The following MAF variants were observed in gnomAD, a reference collection of about 807,000 sequenced individuals.
MAF encodes transcription factor Maf.
A neutral mutation model predicts 22.0 loss-of-function variants in MAF; 10 were observed. The observed-to-expected ratio is 0.45, with a 90% CI of 0.28 to 0.77. The LOEUF (loss-of-function observed/expected upper bound fraction) is 0.77. Among genes scored for constraint, MAF ranks in the 30% least tolerant of loss-of-function variants. The pLI, the probability that MAF is intolerant of heterozygous loss-of-function variation, is 0.12. For synonymous variants in MAF, 337 were observed against 255.8 expected (o/e 1.32, Z -3.03); for missense variants, 544 against 548.4 (o/e 0.99, Z 0.08).
chr16:79,273,604 C>G, the MAF span, among the ~76,000 whole-genome samples: 3 of 151,944 alleles, frequency 2.0e-5, no homozygotes, highest in African/African-American at 7.3e-5. Flanking sequence ...TGCAACATTC[C>G]TTGGCTTTTG....
chr16:79,570,642 G>A, the MAF span, among the ~76,000 whole-genome samples: 1 of 152,188 alleles, frequency 6.6e-6, no homozygotes, highest in African/African-American at 2.4e-5. Context: ...CTCTATGGGT[G>A]GGTCAGGATA....
the MAF span, among the ~76,000 whole-genome samples, chr16:79,299,010 T>C: frequency 6.6e-6 from 1 of 152,250 alleles, no homozygotes; most frequent in Non-Finnish European, 1.5e-5. Context: ...TTCTAAGGAA[T>C]CCTTCTTTGG....
chr16:79,259,997 G>C, the MAF span, among the ~76,000 whole-genome samples: 1 of 152,168 alleles, frequency 6.6e-6, no homozygotes, highest in Non-Finnish European at 1.5e-5. Flanking sequence ...GTGCATAGTG[G>C]GACTACCTGC....
At chr16:79,448,404 G>T in the MAF span, among the ~76,000 whole-genome samples, 1 of 149,100 alleles carries the variant, frequency 6.7e-6, no homozygotes, top group African/African-American at 2.5e-5. Context: ...TAGCAATGAA[G>T]CATTTTTGTT....
chr16:79,413,564 C>T, the MAF span, among the ~76,000 whole-genome samples: 1 of 151,928 alleles, frequency 6.6e-6, no homozygotes, highest in Non-Finnish European at 1.5e-5. Context: ...GTTACTTTAC[C>T]TCTCTGAGCT....
At chr16:79,557,650 G>A in the MAF span, among the ~76,000 whole-genome samples, 1 of 152,038 alleles carries the variant, frequency 6.6e-6, no homozygotes, top group Non-Finnish European at 1.5e-5. Context: ...AAGATTAAGT[G>A]GGATGACCTG....
At chr16:79,260,509 A>ATATCTATATCTATATCTATATCTATATC in the MAF span, among the ~76,000 whole-genome samples, 5 of 42,076 alleles carry the variant, frequency 1.2e-4, no homozygotes. Flanking sequence ...ATATCTATAT[A>ATATCTATATCTATATCTATATCTATATC]TTTGTCTGTT....
At chr16:79,362,964 C>G in the MAF span, among the ~76,000 whole-genome samples, 1 of 152,154 alleles carries the variant, frequency 6.6e-6, no homozygotes, top group Non-Finnish European at 1.5e-5. Flanking sequence ...AACTATCCAA[C>G]TAGTAATCCT....
At chr16:79,290,358 T>C in the MAF span, among the ~76,000 whole-genome samples, 1 of 152,298 alleles carries the variant, frequency 6.6e-6, no homozygotes, top group Admixed American at 6.5e-5. Flanking sequence ...CAAATTATCT[T>C]TCCCCAGGAC....
the MAF span, among the ~76,000 whole-genome samples, chr16:79,347,616 G>T: frequency 6.6e-6 from 1 of 152,204 alleles, no homozygotes; most frequent in African/African-American, 2.4e-5. Context: ...GGAGGTGTCA[G>T]AGAAAGATCT....
the MAF span, among the ~76,000 whole-genome samples, chr16:79,222,805 G>A: frequency 6.6e-6 from 1 of 151,966 alleles, no homozygotes; most frequent in African/African-American, 2.4e-5. Flanking sequence ...AGGGATCAAT[G>A]CAACAAGAAC....
chr16:79,517,912 CAT>C, the MAF span, among the ~76,000 whole-genome samples: 1 of 152,154 alleles, frequency 6.6e-6, no homozygotes, highest in Non-Finnish European at 1.5e-5. Context: ...GCTCTGAAAA[CAT>C]ACCCACAATA....
At chr16:79,426,324 T>C in the MAF span, among the ~76,000 whole-genome samples, 1 of 152,250 alleles carries the variant, frequency 6.6e-6, no homozygotes, top group African/African-American at 2.4e-5. Context: ...GCTGATTACA[T>C]GACATGATAA....
chr16:79,537,587 G>T, the MAF span, among the ~76,000 whole-genome samples: 1 of 152,114 alleles, frequency 6.6e-6, no homozygotes, highest in East Asian at 1.9e-4. Context: ...CTAGAATTCC[G>T]CTCTGTGGCT....
intron 1 of MAF, chr16:79,598,464 A>AAAC: frequency 7.7e-7 from 1 of 1,294,740 alleles, no homozygotes; most frequent in Non-Finnish European, 9.9e-7. Context: ...GTAAAAAAAA[A>AAAC]AAAAAAACAA....
chr16:79,216,181 GTATA>G, the MAF span, among the ~76,000 whole-genome samples: 2,898 of 145,808 alleles, frequency 0.02, 24 homozygotes, highest in East Asian at 0.038. Context: ...ACGTGTATAT[GTATA>G]TATGTCGTGC....
downstream of MAF, among the ~76,000 whole-genome samples, chr16:79,582,156 T>C (rs1218919287): frequency 1.3e-5 from 2 of 152,126 alleles, no homozygotes; most frequent in African/African-American, 4.8e-5. Context: ...TTTCATTAGG[T>C]GTCAGGAGAA....
the MAF span, among the ~76,000 whole-genome samples, chr16:79,352,301 G>A: frequency 5.3e-5 from 8 of 152,228 alleles, no homozygotes; most frequent in East Asian, 1.9e-4. Context: ...AAATAATCAC[G>A]TATTCCACGT....
the MAF span, among the ~76,000 whole-genome samples, chr16:79,324,225 C>T: frequency 0.063 from 9,581 of 152,212 alleles, 300 homozygotes; most frequent in Middle Eastern, 0.092. Flanking sequence ...TGCTGCATTT[C>T]GTCATTCTGC....
Sources: allele counts gnomAD v4.1 joint callset (sites outside exome capture counted in the v4.1 genomes callset), GRCh38; gene constraint gnomAD v4.1.1; transcripts MANE v1.5; gene names NCBI Gene and HGNC (gene_info 2026-07-23, HGNC 2026-07-21).